Variants in KAZN observed in about 807,000 individuals in gnomAD.
The protein encoded by KAZN is kazrin, periplakin interacting protein.
A neutral mutation model predicts 87.4 loss-of-function variants in KAZN; 40 were observed. The ratio of observed to expected loss-of-function variants is 0.46; its 90% CI spans 0.36 to 0.60. The LOEUF is 0.60. Among genes scored for constraint, KAZN ranks in the 20% least tolerant of loss-of-function variants. KAZN has a pLI of 0.00. For synonymous variants in KAZN, 466 were observed against 458.3 expected (o/e 1.02, Z -0.22); for missense variants, 898 against 1,073.9 (o/e 0.84, Z 2.29).
intron 3 of KAZN, among the ~76,000 whole-genome samples, chr1:15,038,875 A>G (rs12128324): frequency 1.1e-5 from 1 of 87,664 alleles, no homozygotes; most frequent in Non-Finnish European, 2.6e-5. Context: ...TTGTGCACCT[A>G]CTGTATACAG....
At chr1:13,953,704 C>T (rs939089532) in intron 1 of KAZN, among the ~76,000 whole-genome samples, 12 of 152,122 alleles carry the variant, frequency 7.9e-5, no homozygotes, top group Admixed American at 3.9e-4. Flanking sequence ...TTTTCACGAG[C>T]GTGGTGGACT....
chr1:14,726,195 C>G (rs1643373311), intron 1 of KAZN, among the ~76,000 whole-genome samples: 1 of 152,190 alleles, frequency 6.6e-6, no homozygotes, highest in Non-Finnish European at 1.5e-5. Flanking sequence ...ATGACAAGCC[C>G]TTGTGTGGAG....
chr1:14,607,246 T>C (rs1021415087), intron 1 of KAZN, among the ~76,000 whole-genome samples: 1 of 152,226 alleles, frequency 6.6e-6, no homozygotes, highest in Non-Finnish European at 1.5e-5. Context: ...CTATAATACC[T>C]CAACGAATCC....
chr1:14,984,629 T>C (rs1481244429), intron 2 of KAZN, among the ~76,000 whole-genome samples: 1 of 152,118 alleles, frequency 6.6e-6, no homozygotes, highest in African/African-American at 2.4e-5. Flanking sequence ...TCTCTATTTC[T>C]TGATGCCAGT....
chr1:13,954,979 T>C (rs560791286), intron 1 of KAZN, among the ~76,000 whole-genome samples: 1 of 152,248 alleles, frequency 6.6e-6, no homozygotes, highest in African/African-American at 2.4e-5. Context: ...GCTTTTTTTG[T>C]TGCAAATTTG....
At chr1:14,078,810 T>C (rs1448460996) in intron 1 of KAZN, among the ~76,000 whole-genome samples, 1 of 152,072 alleles carries the variant, frequency 6.6e-6, no homozygotes, top group African/African-American at 2.4e-5. Flanking sequence ...TCAACCTCCC[T>C]GGTAGCTGGG....
At chr1:14,727,178 C>T (rs1643422678) in intron 1 of KAZN, among the ~76,000 whole-genome samples, 1 of 152,140 alleles carries the variant, frequency 6.6e-6, no homozygotes, top group Non-Finnish European at 1.5e-5. Flanking sequence ...TTCTCTCTTG[C>T]TCATGTTCAG....
intron 1 of KAZN, among the ~76,000 whole-genome samples, chr1:14,607,982 C>G (rs976875842): frequency 1.3e-5 from 2 of 152,226 alleles, no homozygotes; most frequent in African/African-American, 4.8e-5. Flanking sequence ...GTTATCCTCT[C>G]CATTCCACAG....
chr1:14,707,268 T>C (rs1642258397), intron 1 of KAZN, among the ~76,000 whole-genome samples: 1 of 152,068 alleles, frequency 6.6e-6, no homozygotes, highest in Non-Finnish European at 1.5e-5. Context: ...CTGAACCAGG[T>C]GAGGATGCTG....
At chr1:14,709,513 C>T (rs1642380808) in intron 1 of KAZN, among the ~76,000 whole-genome samples, 1 of 152,104 alleles carries the variant, frequency 6.6e-6, no homozygotes, top group Non-Finnish European at 1.5e-5. Context: ...GACTAAAGTG[C>T]CCTCTAAGAA....
At chr1:14,197,485 C>G (rs1557553429) in intron 2 of KAZN, among the ~76,000 whole-genome samples, 3 of 151,034 alleles carry the variant, frequency 2.0e-5, no homozygotes, top group Non-Finnish European at 4.4e-5. Flanking sequence ...GTCAGGAGTT[C>G]TAGACCAGCC....
chr1:14,850,004 G>A (rs182289327), intron 1 of KAZN, among the ~76,000 whole-genome samples: 7 of 149,208 alleles, frequency 4.7e-5, no homozygotes, highest in Non-Finnish European at 1.0e-4. Context: ...GTGTGATCTC[G>A]GCTCACTTGC....
chr1:14,323,758 A>C (rs956811513), intron 2 of KAZN, among the ~76,000 whole-genome samples: 1 of 152,212 alleles, frequency 6.6e-6, no homozygotes, highest in Non-Finnish European at 1.5e-5. Context: ...ACATCTTGGC[A>C]GGATCTTTAT....
At chr1:14,016,594 C>T (rs1640585250) in intron 1 of KAZN, among the ~76,000 whole-genome samples, 1 of 152,086 alleles carries the variant, frequency 6.6e-6, no homozygotes, top group African/African-American at 2.4e-5. Flanking sequence ...TTCAGAATAT[C>T]TCGGAGGCTC....
intron 2 of KAZN, among the ~76,000 whole-genome samples, chr1:14,420,442 C>A (rs1327981962): frequency 6.6e-6 from 1 of 152,230 alleles, no homozygotes; most frequent in Admixed American, 6.5e-5. Context: ...GATTCCCCCA[C>A]CGGAGCCACG....
At chr1:14,105,790 C>G (rs768696634) in intron 1 of KAZN, among the ~76,000 whole-genome samples, 5 of 152,188 alleles carry the variant, frequency 3.3e-5, no homozygotes, top group Non-Finnish European at 5.9e-5. Flanking sequence ...GTCTCAGGTG[C>G]CACAGAGCCT....
At chr1:14,692,816 C>A (rs1171772947) in intron 1 of KAZN, among the ~76,000 whole-genome samples, 2 of 152,130 alleles carry the variant, frequency 1.3e-5, no homozygotes, top group African/African-American at 2.4e-5. Context: ...GCCTGTAAAC[C>A]CGGCTACTTG....
chr1:14,285,521 T>C (rs903790100), intron 2 of KAZN, among the ~76,000 whole-genome samples: 7 of 152,272 alleles, frequency 4.6e-5, no homozygotes, highest in African/African-American at 1.7e-4. Context: ...ACCTAGCACA[T>C]GCAGTGTTTG....
At chr1:14,655,588 G>C (rs1330118146) in intron 1 of KAZN, among the ~76,000 whole-genome samples, 1 of 152,150 alleles carries the variant, frequency 6.6e-6, no homozygotes, top group Non-Finnish European at 1.5e-5. Flanking sequence ...CTTGGATAAT[G>C]CTTCATTATA....
Sources: allele counts gnomAD v4.1 joint callset (sites outside exome capture counted in the v4.1 genomes callset), GRCh38; gene constraint gnomAD v4.1.1; transcripts MANE v1.5; gene names NCBI Gene and HGNC (gene_info 2026-07-23, HGNC 2026-07-21).